RELL1: variants seen among roughly 807,000 people sequenced by gnomAD.
The protein encoded by RELL1 is RELT like 1.
RELL1 carries 10 observed loss-of-function variants against 23.0 expected under a neutral mutation model. The ratio of observed to expected loss-of-function variants is 0.43; its 90% CI spans 0.27 to 0.74. The LOEUF is 0.74. Among genes scored for constraint, RELL1 ranks in the 30% least tolerant of loss-of-function variants. The pLI is 0.19. For missense variants in RELL1, 315 were observed against 364.4 expected (o/e 0.86, Z 1.10); for synonymous variants, 146 against 146.8 (o/e 0.99, Z 0.04).
At chr4:37,678,126 G>A (rs1313699809) in intron 1 of RELL1, among the ~76,000 whole-genome samples, 2 of 147,072 alleles carry the variant, frequency 1.4e-5, no homozygotes, top group Admixed American at 1.3e-4. Context: ...GGCAACAGAG[G>A]AGCAGGCACA....
chr4:37,620,128 T>G (rs1352855703), intron 6 of RELL1, among the ~76,000 whole-genome samples: 1 of 152,178 alleles, frequency 6.6e-6, no homozygotes, highest in African/African-American at 2.4e-5. Flanking sequence ...AAAATAATGT[T>G]TCTAGGTGTG....
intron 3 of RELL1, among the ~76,000 whole-genome samples, chr4:37,642,671 G>C (rs150767354): frequency 6.6e-6 from 1 of 152,146 alleles, no homozygotes; most frequent in African/African-American, 2.4e-5. Flanking sequence ...CGGTGACTTG[G>C]GGTGGAGCCC....
intron 2 of RELL1, among the ~76,000 whole-genome samples, chr4:37,648,531 A>T (rs988151887): frequency 7.2e-5 from 11 of 152,260 alleles, no homozygotes; most frequent in African/African-American, 1.9e-4. Flanking sequence ...GGCCCAAGTC[A>T]GGAAACATCC....
intron 6 of RELL1, among the ~76,000 whole-genome samples, chr4:37,619,005 G>A (rs183672047): frequency 1.3e-4 from 19 of 151,964 alleles, no homozygotes; most frequent in African/African-American, 3.4e-4. Flanking sequence ...TCAGCATCCC[G>A]AGTAGGTGGG....
chr4:37,650,441 C>T (rs9790618), intron 1 of RELL1, among the ~76,000 whole-genome samples: 1 of 152,158 alleles, frequency 6.6e-6, no homozygotes, highest in Admixed American at 6.5e-5. Context: ...CGTAACGTAG[C>T]CCCTGCCATC....
chr4:37,617,337 AT>A (rs1261001608), intron 6 of RELL1, among the ~76,000 whole-genome samples: 9 of 152,352 alleles, frequency 5.9e-5, no homozygotes, highest in African/African-American at 2.2e-4. Flanking sequence ...TTTTCAACTG[AT>A]TAAAAACAGC....
At chr4:37,675,569 G>A (rs1309063432) in intron 1 of RELL1, among the ~76,000 whole-genome samples, 1 of 152,150 alleles carries the variant, frequency 6.6e-6, no homozygotes, top group African/African-American at 2.4e-5. Flanking sequence ...AAACAAACAT[G>A]GTGGAAACAA....
chr4:37,651,041 C>G (rs1277000213), intron 1 of RELL1, among the ~76,000 whole-genome samples: 1 of 124,238 alleles, frequency 8.0e-6, no homozygotes, highest in African/African-American at 3.2e-5. Flanking sequence ...GCCTGGGTGA[C>G]AGAGCAAGAC....
At chr4:37,588,370 C>A (rs149999946), downstream of RELL1, 1 of 156,604 alleles carries the variant, frequency 6.4e-6, no homozygotes, top group Non-Finnish European at 1.4e-5. Context: ...ACAATGGATC[C>A]GCCAGCTTAT....
At chr4:37,629,021 T>C (rs1015716490) in intron 6 of RELL1, among the ~76,000 whole-genome samples, 8 of 152,202 alleles carry the variant, frequency 5.3e-5, no homozygotes, top group Admixed American at 4.6e-4. Context: ...TACCGCTCTC[T>C]GGGCAGTGGT....
chr4:37,608,924 C>T (rs1417044021), downstream of RELL1, among the ~76,000 whole-genome samples: 1 of 152,196 alleles, frequency 6.6e-6, no homozygotes, highest in East Asian at 1.9e-4. Flanking sequence ...AGCCACTGCA[C>T]CCAGCCAGTT....
chr4:37,680,390 T>C (rs1408444295), intron 1 of RELL1, among the ~76,000 whole-genome samples: 2 of 152,196 alleles, frequency 1.3e-5, no homozygotes, highest in South Asian at 2.1e-4. Flanking sequence ...CAAAGTTTCA[T>C]GCACAGAGGC....
intron 6 of RELL1, among the ~76,000 whole-genome samples, chr4:37,601,666 G>A (rs1321643993): frequency 6.6e-6 from 1 of 152,210 alleles, no homozygotes; most frequent in East Asian, 1.9e-4. Context: ...GCCTTCTGGC[G>A]ATGGAGTGAA....
downstream of RELL1, chr4:37,590,491 G>C: frequency 6.2e-7 from 1 of 1,613,674 alleles, no homozygotes; most frequent in South Asian, 1.1e-5. Flanking sequence ...CAGGAAACAG[G>C]ACTGTGTGCT....
At chr4:37,592,220 A>G (rs569257883) in intron 6 of RELL1, among the ~76,000 whole-genome samples, 1 of 151,512 alleles carries the variant, frequency 6.6e-6, no homozygotes, top group East Asian at 1.9e-4. Context: ...AAAAAAAAAA[A>G]AAAAAAAAGA....
chr4:37,678,806 C>T lies in RELL1; in HGVS notation c.88+7394G>A, dbSNP rs554233822. On this transcript the variant is annotated intron_variant, in intron 1 of 6. Transcript: ENST00000454158. ...CTCAGCCATATTCTCTCTATAATAC[C>T]GATAAGGAAAGTAATTTAAAGATTT... is the stretch of plus-strand genomic sequence containing the variant. 5.3e-5 allele frequency among the ~76,000 whole-genome samples: 8 copies of T among 152,282 alleles called. No individual in the cohort carries two copies. In the East Asian group the frequency reaches 9.7e-4, roughly 18 times the overall value.
rs745636412 is a variant in RELL1, at chr4:37,631,486, T to G, written c.718A>C (p.Lys240Gln). ...VTKVEHKSNQ[K>Q]ERRSLMSVSG... ...ACAGACATCAGGCTTCTCCGTTCCTTCTGGTTTGACTTGTGCTCCACTTTT... is the reference window on the plus strand; with the variant it reads ...ACAGACATCAGGCTTCTCCGTTCCTGCTGGTTTGACTTGTGCTCCACTTTT... Residue 240 changes from lysine to glutamine, a missense_variant, in exon 6 of 7, where the codon AAG becomes CAG. Physicochemically the swap from Lys to Gln is moderately conservative, Grantham distance 53. Coordinates refer to ENST00000454158, the MANE Select transcript of RELL1 (RefSeq NM_001085400.2). 2.5e-6 allele frequency: 4 copies of G among 1,614,010 alleles called. No individual in the cohort carries two copies. Among genetic ancestry groups the G allele is most frequent in the Admixed American group, 3.3e-5 (2 of 59,996 alleles).
chr4:37,686,003 G>A (rs1722394153), intron 1 of RELL1, among the ~76,000 whole-genome samples, 197 bp downstream of exon 1: 1 of 152,142 alleles, frequency 6.6e-6, no homozygotes, highest in Non-Finnish European at 1.5e-5. Flanking sequence ...GCCCGCGGGA[G>A]GGGAGGGACG....
intron 1 of RELL1, among the ~76,000 whole-genome samples, chr4:37,672,205 TA>T (rs1721858508): frequency 6.6e-6 from 1 of 152,034 alleles, no homozygotes; most frequent in Admixed American, 6.6e-5. Context: ...GGATTGCAGC[TA>T]AAAGTTCTAA....
Sources: allele counts gnomAD v4.1 joint callset (sites outside exome capture counted in the v4.1 genomes callset), GRCh38; gene constraint gnomAD v4.1.1; transcripts MANE v1.5; gene names NCBI Gene and HGNC (gene_info 2026-07-23, HGNC 2026-07-21).